PXDNL: variants seen among roughly 807,000 people sequenced by gnomAD.
The protein encoded by PXDNL is peroxidasin like.
PXDNL carries 145 observed loss-of-function variants against 150.8 expected under a neutral mutation model. The observed-to-expected ratio is 0.96, with a 90% confidence interval of 0.84 to 1.10. The LOEUF is 1.10. Ranked by LOEUF, PXDNL falls within the 50% of genes least tolerant of loss-of-function variation. The pLI is 0.00. For synonymous variants in PXDNL, 757 were observed against 725.7 expected (o/e 1.04, Z -0.69); for missense variants, 2,087 against 1,873.9 (o/e 1.11, Z -2.10).
At chr8:51,533,696 G>A (rs1418433801) in intron 4 of PXDNL, among the ~76,000 whole-genome samples, 5 of 150,532 alleles carry the variant, frequency 3.3e-5, no homozygotes, top group African/African-American at 9.9e-5. Context: ...TGTGTTGGCC[G>A]GGCTGGTCTC....
At position 51,623,591 on chromosome 8, in the gene PXDNL, A is replaced by G. The variant is rs193049458; in HGVS notation, c.237-30893T>C. Among the ~76,000 whole-genome samples the G allele has an allele frequency of 5.4e-4, 82 of 152,212 alleles. No homozygotes were observed. In the East Asian group the frequency reaches 0.013, roughly 25 times the overall value. ...TGGGGAAGGTGTTGGAGGGCTTTTT[A>G]TCTTTCACTGAGGACCATCCACAGC... is the stretch of plus-strand genomic sequence containing the variant. On this transcript the variant is annotated intron_variant, in intron 2 of 22. Coordinates refer to ENST00000356297, the MANE Select transcript of PXDNL (RefSeq NM_144651.5).
chr8:51,598,956 C>A (rs1813633740), intron 2 of PXDNL, among the ~76,000 whole-genome samples: 1 of 152,032 alleles, frequency 6.6e-6, no homozygotes, highest in African/African-American at 2.4e-5. Flanking sequence ...TTTCCTGATT[C>A]AATCTTGGGA....
At chr8:51,323,916 CA>C (rs1172614258) in intron 21 of PXDNL, among the ~76,000 whole-genome samples, 229 of 110,886 alleles carry the variant, frequency 2.1e-3, no homozygotes, top group African/African-American at 9.6e-3. Flanking sequence ...AACTTCATCT[CA>C]AAAAAAATAA....
At chr8:51,763,406 G>A (rs1384619706) in intron 1 of PXDNL, among the ~76,000 whole-genome samples, 2 of 151,792 alleles carry the variant, frequency 1.3e-5, no homozygotes, top group Non-Finnish European at 2.9e-5. Context: ...AGGCAAGCAA[G>A]CGCCAGACTC....
At chr8:51,542,406 A>G (rs1235951638) in intron 4 of PXDNL, among the ~76,000 whole-genome samples, 4 of 152,094 alleles carry the variant, frequency 2.6e-5, no homozygotes, top group African/African-American at 9.6e-5. Flanking sequence ...CCCCAAATAT[A>G]ATAGTATTTG....
intron 2 of PXDNL, among the ~76,000 whole-genome samples, chr8:51,623,998 T>A (rs1052859730): frequency 6.3e-5 from 9 of 141,960 alleles, no homozygotes; most frequent in Admixed American, 6.3e-4. Flanking sequence ...GAAGCTGAGG[T>A]GGGAGGATCA....
chr8:51,617,975 G>A (rs147593048), intron 2 of PXDNL, among the ~76,000 whole-genome samples: 12 of 152,304 alleles, frequency 7.9e-5, no homozygotes, highest in African/African-American at 2.9e-4. Context: ...CTCCAATACG[G>A]GGATTTCCAA....
At chr8:51,321,338 G>C (rs1805308036) in intron 21 of PXDNL, among the ~76,000 whole-genome samples, 1 of 152,138 alleles carries the variant, frequency 6.6e-6, no homozygotes, top group African/African-American at 2.4e-5. Flanking sequence ...GCAGACCAGG[G>C]TCTCTCCAAC....
intron 3 of PXDNL, among the ~76,000 whole-genome samples, chr8:51,559,756 A>C (rs995494833): frequency 6.6e-6 from 1 of 151,996 alleles, no homozygotes; most frequent in Non-Finnish European, 1.5e-5. Context: ...AATTGAAAGA[A>C]AGGGCTTGGA....
rs1275353111 is a variant in PXDNL, at chr8:51,331,671, C to T, written c.4146+7953G>A. On this transcript the variant is annotated intron_variant, in intron 21 of 22. Transcript: ENST00000356297. ...CACGGTGGGAATGGGACCGGCCCTT[C>T]GGTTTGCATGGGAGCTGGATGAGGC... Among the ~76,000 whole-genome samples the T allele has an allele frequency of 4.6e-5, 7 of 152,018 alleles. No homozygotes were observed. The East Asian group carries it at 5.8e-4, about 13-fold the overall frequency.
chr8:51,607,895 AGGTGGGGAG>A (rs1563481485), intron 2 of PXDNL, among the ~76,000 whole-genome samples: 16 of 82,868 alleles, frequency 1.9e-4, no homozygotes, highest in African/African-American at 6.2e-4. Context: ...GAAGGAAGGA[AGGTGGGGAG>A]GGAGGGAGGG....
At chr8:51,717,724 G>T (rs1198096851) in intron 1 of PXDNL, among the ~76,000 whole-genome samples, 1 of 152,242 alleles carries the variant, frequency 6.6e-6, no homozygotes, top group South Asian at 2.1e-4. Context: ...CATGAGTGGG[G>T]CCAGGATAGG....
chr8:51,494,220 A>G (rs1157736880), intron 5 of PXDNL, among the ~76,000 whole-genome samples: 1 of 152,212 alleles, frequency 6.6e-6, no homozygotes, highest in African/African-American at 2.4e-5. Flanking sequence ...CTTTACAGAC[A>G]AACAAATGCT....
chr8:51,379,024 C>T (rs1423839156), intron 17 of PXDNL, among the ~76,000 whole-genome samples: 1 of 152,178 alleles, frequency 6.6e-6, no homozygotes, highest in African/African-American at 2.4e-5. Flanking sequence ...AAGGGCTCCT[C>T]TTGCCACAGC....
chr8:51,636,271 C>G (rs1814600649), intron 2 of PXDNL, among the ~76,000 whole-genome samples: 1 of 151,958 alleles, frequency 6.6e-6, no homozygotes, highest in Non-Finnish European at 1.5e-5. Context: ...AGAAACCTTC[C>G]CCCTAAGATC....
In PXDNL at chr8:51,350,354, C is replaced by CTTTTTTTTTTT. The variant is rs1163628780; in HGVS notation, c.3902-4418_3902-4408dup. ...AGTCTTTTATTAGCAAATGCAGCTT[C>CTTTTTTTTTTT]TTTTTTTTTTTTTTTTTTTTTTGAG... On this transcript the variant is annotated intron_variant, in intron 19 of 22. Transcript: ENST00000356297. Among the ~76,000 whole-genome samples, 293 of 77,864 alleles carry CTTTTTTTTTTT rather than the reference C, an allele frequency of 3.8e-3. 23 individuals carry two copies. Among genetic ancestry groups the CTTTTTTTTTTT allele is most frequent in the African/African-American group, 0.015 (278 of 19,132 alleles). The allele number at this position is 77,864 out of a possible 152,430, so 51.1% of individuals were successfully genotyped here.
At chr8:51,748,307 G>A (rs528742777) in intron 1 of PXDNL, among the ~76,000 whole-genome samples, 27 of 152,330 alleles carry the variant, frequency 1.8e-4, no homozygotes, top group Middle Eastern at 3.4e-3. Flanking sequence ...AACTGAATAA[G>A]TTCGATTTCT....
chr8:51,320,092 T>C, intron 22 of PXDNL, 70 bp from the exon 23 acceptor site: 2 of 1,201,258 alleles, frequency 1.7e-6, no homozygotes, highest in East Asian at 3.1e-5. Context: ...CAAATAAATG[T>C]TTCTTATAAT....
In PXDNL at chr8:51,629,892, G is replaced by A. The variant is rs532907039; in HGVS notation, c.236+24797C>T. 5.9e-5 allele frequency among the ~76,000 whole-genome samples: 9 copies of A among 152,066 alleles called. No individual in the cohort carries two copies. In the East Asian group the frequency reaches 7.7e-4, roughly 13 times the overall value. ...GCAATTTGCAGATTCAATGCTATTC[G>A]TAGCAAACTACAAATGACATTTTTC... On this transcript the variant is annotated intron_variant, in intron 2 of 22. Transcript: ENST00000356297.
Sources: allele counts gnomAD v4.1 joint callset (sites outside exome capture counted in the v4.1 genomes callset), GRCh38; gene constraint gnomAD v4.1.1; transcripts MANE v1.5; gene names NCBI Gene and HGNC (gene_info 2026-07-23, HGNC 2026-07-21).